Variants in C6orf89 observed in about 807,000 individuals in gnomAD.
C6orf89 encodes bombesin receptor-activated protein C6orf89.
A neutral mutation model predicts 40.7 loss-of-function variants in C6orf89; 29 were observed. That is an observed-to-expected ratio of 0.71 (90% CI 0.53 to 0.97). C6orf89 has a LOEUF of 0.97. Ranked by LOEUF, C6orf89 falls within the 50% of genes least tolerant of loss-of-function variation. The pLI, the probability that C6orf89 is intolerant of heterozygous loss-of-function variation, is 0.00. For synonymous variants in C6orf89, 165 were observed against 152.2 expected (o/e 1.08, Z -0.62); for missense variants, 392 against 429.1 (o/e 0.91, Z 0.76).
intron 1 of C6orf89, among the ~76,000 whole-genome samples, chr6:36,893,653 C>T (rs529155744): frequency 2.2e-4 from 33 of 152,048 alleles, no homozygotes; most frequent in Non-Finnish European, 4.1e-4. Flanking sequence ...GCTTACAGGC[C>T]AGGCGCGGTG....
exon 1 of C6orf89, chr6:36,871,884 G>A (rs755037551): frequency 3.2e-6 from 5 of 1,564,702 alleles, no homozygotes; most frequent in Non-Finnish European, 4.3e-6. Flanking sequence ...TGCAGAGGGA[G>A]AGGACAACAG....
At chr6:36,921,921 A>G (rs1256436454) in intron 8 of C6orf89, among the ~76,000 whole-genome samples, 1 of 151,942 alleles carries the variant, frequency 6.6e-6, no homozygotes, top group Non-Finnish European at 1.5e-5. Context: ...CCAGCTACTC[A>G]GGAAGCTGAG....
intron 6 of C6orf89, among the ~76,000 whole-genome samples, chr6:36,915,938 T>A (rs1244979231): frequency 1.3e-5 from 2 of 152,138 alleles, no homozygotes; most frequent in Non-Finnish European, 2.9e-5. Context: ...TAAAATGACT[T>A]TTTCAGGCTT....
At position 36,914,588 on chromosome 6, in the gene C6orf89, A is replaced by AT; in HGVS notation, c.596dup (p.Leu199PhefsTer6). ...CCCCTGTTGGAGGAAGAGATTCAGC[A>AT]TTTTTTGTGCCAGTACCCTGAGGCG... On this transcript the variant is annotated frameshift_variant, in exon 6 of 9. Transcript: ENST00000480824. LOFTEE classifies it high-confidence loss of function. 5.6e-6 allele frequency: 9 copies of AT among 1,614,174 alleles called. No individual in the cohort carries two copies. The highest frequency in any genetic ancestry group is 1.1e-5 in the South Asian group (1 of 91,090).
chr6:36,906,254 T>G (rs1761920228), intron 4 of C6orf89, among the ~76,000 whole-genome samples: 1 of 152,196 alleles, frequency 6.6e-6, no homozygotes, highest in African/African-American at 2.4e-5. Flanking sequence ...TGCTCAAAGA[T>G]GAACTGCTTA....
rs572472369 is a variant in C6orf89 at position 36,927,947 on chromosome 6, C to T, written c.*4506C>T. The T allele has an allele frequency of 1.2e-4, 18 of 152,378 alleles. No individual in the cohort carries two copies. Among genetic ancestry groups the T allele is most frequent in the South Asian group, 4.1e-4 (2 of 4,828 alleles). 9.4% of individuals were successfully genotyped at this position (152,378 alleles called of 1,614,324 possible). A position where few individuals can be genotyped will look rare whatever the true frequency, so the allele number is the denominator to read the frequency against. ...CACATCCAAGTCCACCCACCGTGGA[C>T]GCAGTGTGACTAAATGCTGGCCTTG... On this transcript the variant is annotated 3_prime_UTR_variant, in exon 9 of 9. Transcript: ENST00000480824.
intron 1 of C6orf89, among the ~76,000 whole-genome samples, chr6:36,892,237 C>T (rs1761232762): frequency 6.6e-6 from 1 of 152,102 alleles, no homozygotes; most frequent in Admixed American, 6.6e-5. Context: ...TTCTTGACCT[C>T]GTTTTGAGGA....
At position 36,926,576 on chromosome 6, in the gene C6orf89, AGAGGG is replaced by A. The variant is rs1344976347; in HGVS notation, c.*3146_*3150del. On this transcript the variant is annotated 3_prime_UTR_variant, in exon 9 of 9. Coordinates refer to ENST00000480824, the MANE Select transcript of C6orf89 (RefSeq NM_001286635.2). ...AAAAAAAAAAGAGAGAGAGAAAAGA[AGAGGG>A]GAGGGGAGGGAAAGGGAAGGGAGGG... The A allele has an allele frequency of 4.8e-5, 5 of 104,904 alleles. No homozygotes were observed. Among genetic ancestry groups the A allele is most frequent in the Non-Finnish European group, 9.7e-5 (5 of 51,760 alleles). The allele number at this position is 104,904 out of a possible 1,614,324, so 6.5% of individuals were successfully genotyped here.
intron 2 of C6orf89, among the ~76,000 whole-genome samples, chr6:36,879,473 G>T (rs1774744863): frequency 1.3e-5 from 2 of 152,210 alleles, no homozygotes; most frequent in African/African-American, 4.8e-5. Flanking sequence ...TGGCATGCCA[G>T]CAAAAGAGTA....
At chr6:36,914,476 T>C (rs1762242955) in intron 5 of C6orf89, 41 bp downstream of exon 5, 4 of 1,613,416 alleles carry the variant, frequency 2.5e-6, no homozygotes, top group Non-Finnish European at 3.4e-6. Flanking sequence ...GGCTGCTTGC[T>C]TAAAGGCTAG....
chr6:36,923,413 G>A lies in C6orf89; in HGVS notation c.1016G>A (p.Cys339Tyr). ...IARGVQPLVI[C>Y]DGTAFSEL is the part of the protein sequence containing the mutation. ...AGAGGGGTCCAGCCTTTGGTCATCT[G>A]CGATGGAACCGCTTTCTCAGAACTG... Residue 339 changes from cysteine to tyrosine, a missense_variant, in exon 9 of 9, where the codon TGC becomes TAC. Physicochemically the swap from Cys to Tyr is radical, Grantham distance 194. Coordinates refer to ENST00000480824, the MANE Select transcript of C6orf89 (RefSeq NM_001286635.2). 1 of 1,614,094 alleles carries A rather than the reference G, an allele frequency of 6.2e-7. No homozygotes were observed. The highest frequency in any genetic ancestry group is 2.2e-5 in the East Asian group (1 of 44,890).
Position 36,899,501 on chromosome 6 carries a change from T to C in C6orf89, c.57T>C (p.Asp19=), listed in dbSNP as rs1314455188. ...ATGACAAACTTTCAGAGACTGTTGATTTGGTGAGACAGACCGGCCATCAGT... is the reference window on the plus strand; with the variant it reads ...ATGACAAACTTTCAGAGACTGTTGACTTGGTGAGACAGACCGGCCATCAGT... The part of the protein sequence containing the change: ...SIYDKLSETV[D]LVRQTGHQCG... The change falls in exon 3 of 9, where the codon GAT becomes GAC. Residue 19 remains aspartate, a synonymous_variant. Transcript: ENST00000480824. 27 of 1,614,002 alleles carry C rather than the reference T, an allele frequency of 1.7e-5. No individual in the cohort carries two copies. Among genetic ancestry groups the C allele is most frequent in the Non-Finnish European group, 2.2e-5 (26 of 1,180,036 alleles).
chr6:36,923,563 C>T lies in C6orf89; in HGVS notation c.*122C>T. On this transcript the variant is annotated 3_prime_UTR_variant, in exon 9 of 9. Coordinates refer to ENST00000480824, the MANE Select transcript of C6orf89 (RefSeq NM_001286635.2). Reference sequence around the variant, plus strand: ...TGGTTACTTAGTTACCTGCCCTTTGCATGCATGTGTGAACCAGCTGTGAGC... The same window carrying T: ...TGGTTACTTAGTTACCTGCCCTTTGTATGCATGTGTGAACCAGCTGTGAGC... 3.9e-6 allele frequency: 3 copies of T among 760,118 alleles called. No homozygotes were observed. Among genetic ancestry groups the T allele is most frequent in the East Asian group, 5.5e-5 (2 of 36,260 alleles). The allele number at this position is 760,118 out of a possible 1,614,324, so 47.1% of individuals were successfully genotyped here.
At chr6:36,923,159 C>T (rs1445650621) in intron 8 of C6orf89, among the ~76,000 whole-genome samples, 188 bp from the exon 9 acceptor site, 1 of 151,866 alleles carries the variant, frequency 6.6e-6, no homozygotes, top group African/African-American at 2.4e-5. Flanking sequence ...AGTGAGACCC[C>T]TATCTCTTAA....
chr6:36,920,591 C>T (rs537975207), intron 8 of C6orf89, among the ~76,000 whole-genome samples: 1 of 152,022 alleles, frequency 6.6e-6, no homozygotes, highest in Non-Finnish European at 1.5e-5. Context: ...GCAAGCTATG[C>T]CAAGTCTTAA....
chr6:36,879,788 G>A (rs766510484), intron 2 of C6orf89, among the ~76,000 whole-genome samples: 1 of 152,078 alleles, frequency 6.6e-6, no homozygotes, highest in Non-Finnish European at 1.5e-5. Flanking sequence ...ATGTCCTTGG[G>A]AACTTGACCT....
chr6:36,918,475 G>A (rs75232111), intron 7 of C6orf89, among the ~76,000 whole-genome samples: 89 of 152,334 alleles, frequency 5.8e-4, no homozygotes, highest in Non-Finnish European at 1.2e-3. Context: ...AATGGCTCTG[G>A]TGTTGCCATG....
chr6:36,897,978 G>C (rs1343728933), intron 2 of C6orf89, among the ~76,000 whole-genome samples: 1 of 152,188 alleles, frequency 6.6e-6, no homozygotes, highest in Non-Finnish European at 1.5e-5. Flanking sequence ...CCCAGTAGAA[G>C]AGAGCACAAA....
chr6:36,918,111 C>T (rs1762390968), intron 7 of C6orf89, among the ~76,000 whole-genome samples: 1 of 152,214 alleles, frequency 6.6e-6, no homozygotes, highest in Non-Finnish European at 1.5e-5. Flanking sequence ...GTTAAAGTCA[C>T]GTGTCTGTGG....
Sources: allele counts gnomAD v4.1 joint callset (sites outside exome capture counted in the v4.1 genomes callset), GRCh38; gene constraint gnomAD v4.1.1; transcripts MANE v1.5; gene names NCBI Gene and HGNC (gene_info 2026-07-23, HGNC 2026-07-21).